Variants in CACNB2 observed in about 807,000 individuals in gnomAD.
The protein encoded by CACNB2 is voltage-dependent L-type calcium channel subunit beta-2.
A neutral mutation model predicts 73.3 loss-of-function variants in CACNB2; 42 were observed. That is an observed-to-expected ratio of 0.57 (90% CI 0.45 to 0.74). The LOEUF (loss-of-function observed/expected upper bound fraction) is 0.74, where lower values mean the gene tolerates loss of function less well. CACNB2 is among the 30% of genes least tolerant of loss of function. The pLI is 0.00. For synonymous variants in CACNB2, 348 were observed against 310.3 expected, an observed-to-expected ratio of 1.12 and a Z score of -1.28; for missense variants, 940 against 853.0, an observed-to-expected ratio of 1.10 and a Z score of -1.27.
chr10:18,314,300 A>G (rs1479698145), intron 2 of CACNB2, among the ~76,000 whole-genome samples: 1 of 152,214 alleles, frequency 6.6e-6, no homozygotes, highest in Admixed American at 6.6e-5. Flanking sequence ...AATCCTAATT[A>G]ATATTTTTAT....
At chr10:18,484,234 A>C (rs1484434638) in intron 3 of CACNB2, among the ~76,000 whole-genome samples, 1 of 152,046 alleles carries the variant, frequency 6.6e-6, no homozygotes, top group Non-Finnish European at 1.5e-5. Flanking sequence ...TCTGTACTAA[A>C]AATACAAAAA....
Position 18,419,707 on chromosome 10 carries a change from C to T in CACNB2, c.333+17664C>T, listed in dbSNP as rs369319504. Among the ~76,000 whole-genome samples the T allele has an allele frequency of 1.2e-4, 19 of 152,274 alleles. 1 individual carries two copies. The South Asian group carries it at 2.5e-3, about 20-fold the overall frequency. ...TATATTTAAAACAATTTATTAGCAA[C>T]TGCTGTATTACAGAGTAGAGCATCC... is the stretch of plus-strand genomic sequence containing the variant. On this transcript the variant is annotated intron_variant, in intron 3 of 13. Transcript: ENST00000324631.
Position 18,306,961 on chromosome 10 carries a change from G to A in CACNB2, c.214-94963G>A, listed in dbSNP as rs79658754. 9.4e-3 allele frequency among the ~76,000 whole-genome samples: 1,424 copies of A among 152,206 alleles called. 33 individuals are homozygous for A. Among genetic ancestry groups the A allele is most frequent in the African/African-American group, 0.032 (1,341 of 41,516 alleles). ...TGGGTTAAAATAATATGGGTTAAAGGCAAGAGGCGGTAAGGATGATGTCTG... is the reference window on the plus strand; with the variant it reads ...TGGGTTAAAATAATATGGGTTAAAGACAAGAGGCGGTAAGGATGATGTCTG... On this transcript the variant is annotated intron_variant, in intron 2 of 13. Transcript: ENST00000324631.
intron 9 of CACNB2, 45 bp downstream of exon 9, chr10:18,519,013 A>T: frequency 6.5e-7 from 1 of 1,545,194 alleles, no homozygotes; most frequent in South Asian, 1.1e-5. Context: ...TGTCTTAAAG[A>T]TGGCAAAACG....
chr10:18,307,733 A>G (rs2039789637), intron 2 of CACNB2, among the ~76,000 whole-genome samples: 1 of 152,216 alleles, frequency 6.6e-6, no homozygotes, highest in Non-Finnish European at 1.5e-5. Context: ...GTCACTGAAT[A>G]AAATAAATAG....
intron 2 of CACNB2, among the ~76,000 whole-genome samples, chr10:18,314,013 G>A (rs982955843): frequency 4.6e-5 from 7 of 152,186 alleles, no homozygotes; most frequent in Admixed American, 4.6e-4. Context: ...ATTTTAACTT[G>A]GAGTGTGAAA....
chr10:18,320,102 G>A (rs960105663), intron 2 of CACNB2, among the ~76,000 whole-genome samples: 16 of 151,228 alleles, frequency 1.1e-4, no homozygotes, highest in Non-Finnish European at 2.1e-4. Flanking sequence ...TGCCGACCCC[G>A]CCACCCCAAG....
At chr10:18,488,879 A>T (rs1373798995) in intron 3 of CACNB2, among the ~76,000 whole-genome samples, 8 of 131,642 alleles carry the variant, frequency 6.1e-5, no homozygotes, top group Admixed American at 3.0e-4. Context: ...GAGAACATAT[A>T]AAAAAAAAAA....
chr10:18,471,424 C>G (rs900607147), intron 3 of CACNB2, among the ~76,000 whole-genome samples: 1 of 152,228 alleles, frequency 6.6e-6, no homozygotes, highest in African/African-American at 2.4e-5. Context: ...ACCCTTTTCC[C>G]TACAGAATGT....
Position 18,540,386 on chromosome 10 carries a change from C to G in CACNB2, c.*662C>G, listed in dbSNP as rs2054008613. On this transcript the variant is annotated 3_prime_UTR_variant, in exon 14 of 14. Coordinates refer to ENST00000324631, the MANE Select transcript of CACNB2 (RefSeq NM_201596.3). Reference sequence around the variant, plus strand: ...CTATTTTAGAGTCTTAATGCCAAGTCAGCAGATTTGCTTTATGAATTACAG... The same window carrying G: ...CTATTTTAGAGTCTTAATGCCAAGTGAGCAGATTTGCTTTATGAATTACAG... The G allele has an allele frequency of 6.6e-6, 1 of 152,256 alleles. No individual in the cohort carries two copies. The highest frequency in any genetic ancestry group is 1.5e-5 in the Non-Finnish European group (1 of 67,966). 9.4% of individuals were successfully genotyped at this position (152,256 alleles called of 1,614,324 possible).
At chr10:18,423,430 T>C (rs2045434658) in intron 3 of CACNB2, among the ~76,000 whole-genome samples, 5 of 152,218 alleles carry the variant, frequency 3.3e-5, no homozygotes, top group Admixed American at 2.6e-4. Flanking sequence ...GAATTCCCCC[T>C]GTAGGAAGCC....
chr10:18,264,524 C>G (rs1427788360), intron 2 of CACNB2, among the ~76,000 whole-genome samples: 1 of 152,154 alleles, frequency 6.6e-6, no homozygotes, highest in East Asian at 1.9e-4. Context: ...CCAGCTGTCT[C>G]CCACCTCCCC....
chr10:18,450,717 G>C (rs780746390), intron 3 of CACNB2, among the ~76,000 whole-genome samples: 5 of 151,124 alleles, frequency 3.3e-5, no homozygotes, highest in Admixed American at 6.6e-5. Flanking sequence ...CCGCCCCCTG[G>C]GTTCAAGCAA....
intron 5 of CACNB2, among the ~76,000 whole-genome samples, chr10:18,504,373 C>T (rs568854357): frequency 6.6e-6 from 1 of 152,250 alleles, no homozygotes; most frequent in African/African-American, 2.4e-5. Flanking sequence ...ACAGCAAGCC[C>T]AGGACAGATG....
intron 2 of CACNB2, among the ~76,000 whole-genome samples, chr10:18,227,482 C>G (rs1757224): frequency 0.81 from 122,523 of 152,144 alleles, 49,501 homozygotes; most frequent in Non-Finnish European, 0.84. Flanking sequence ...GGGGTACTAA[C>G]GTTATTTCAA....
chr10:18,488,388 T>C (rs1289760661), intron 3 of CACNB2, among the ~76,000 whole-genome samples: 1 of 134,584 alleles, frequency 7.4e-6, no homozygotes, highest in Non-Finnish European at 1.5e-5. Context: ...GGCAGGAGAA[T>C]GACGTGAACC....
At chr10:18,514,161 TTGCTTTCATTTTA>T in intron 6 of CACNB2, 62 bp from the exon 7 acceptor site, 1 of 1,514,276 alleles carries the variant, frequency 6.6e-7, no homozygotes, top group South Asian at 1.1e-5. Context: ...TTAGTTTTAT[TTGCTTTCATTTTA>T]TTTTCTTTAT....
chr10:18,482,291 T>A (rs573747244), intron 3 of CACNB2, among the ~76,000 whole-genome samples: 1 of 152,154 alleles, frequency 6.6e-6, no homozygotes, highest in African/African-American at 2.4e-5. Context: ...TATTAATTAT[T>A]ACAGTCTAAT....
intron 2 of CACNB2, among the ~76,000 whole-genome samples, chr10:18,376,749 T>C (rs1014175857): frequency 3.9e-5 from 6 of 152,152 alleles, no homozygotes; most frequent in African/African-American, 1.4e-4. Flanking sequence ...AGGGTTATCT[T>C]AAGGCTGGCA....
Sources: gnomAD v4.1 joint callset for allele counts (sites outside exome capture counted in the v4.1 genomes callset) on GRCh38, gnomAD v4.1.1 for gene constraint, MANE v1.5 for transcripts, NCBI Gene and HGNC (gene_info 2026-07-23, HGNC 2026-07-21) for gene names.